Variants in ECHDC1 observed in about 807,000 individuals in gnomAD.
ECHDC1 encodes the protein ethylmalonyl-CoA decarboxylase.
Under a neutral mutation model 29.7 loss-of-function variants are expected in ECHDC1, and 29 were observed. That is an observed-to-expected ratio of 0.98 (90% CI 0.73 to 1.33). The LOEUF (loss-of-function observed/expected upper bound fraction) is 1.33. Ranked by LOEUF, ECHDC1 falls within the 40% of genes most tolerant of loss-of-function variation. The pLI is 0.00. For synonymous variants in ECHDC1, 126 were observed against 123.1 expected (o/e 1.02, Z -0.15); for missense variants, 328 against 350.0 (o/e 0.94, Z 0.50).
At chr6:127,340,586 G>A (rs1306220608) in intron 1 of ECHDC1, among the ~76,000 whole-genome samples, 1 of 152,196 alleles carries the variant, frequency 6.6e-6, no homozygotes, top group African/African-American at 2.4e-5. Flanking sequence ...CATGCCTAGG[G>A]TCTTGCTTTT....
intron 3 of ECHDC1, among the ~76,000 whole-genome samples, 181 bp from the exon 4 acceptor site, chr6:127,316,683 T>C (rs978487370): frequency 6.6e-6 from 1 of 152,092 alleles, no homozygotes; most frequent in African/African-American, 2.4e-5. Context: ...TGACTGTTGA[T>C]ATCCTAGGGC....
At chr6:127,296,774 G>A (rs938928115) in intron 5 of ECHDC1, among the ~76,000 whole-genome samples, 6 of 152,134 alleles carry the variant, frequency 3.9e-5, no homozygotes, top group African/African-American at 9.7e-5. Flanking sequence ...CACTTTGGGA[G>A]GCTGTGGATC....
At chr6:127,324,778 CTGGAACAA>C (rs1224106757) in intron 3 of ECHDC1, among the ~76,000 whole-genome samples, 1 of 152,070 alleles carries the variant, frequency 6.6e-6, no homozygotes, top group East Asian at 1.9e-4. Context: ...ATGGCCAAAG[CTGGAACAA>C]TTTGAGCAAC....
At chr6:127,311,858 T>C (rs1781968134) in intron 5 of ECHDC1, among the ~76,000 whole-genome samples, 1 of 151,530 alleles carries the variant, frequency 6.6e-6, no homozygotes, top group Non-Finnish European at 1.5e-5. Context: ...ATTACAAGTA[T>C]TGTATCAATG....
At chr6:127,305,643 G>T (rs1409128676) in intron 5 of ECHDC1, among the ~76,000 whole-genome samples, 1 of 151,966 alleles carries the variant, frequency 6.6e-6, no homozygotes, top group Non-Finnish European at 1.5e-5. Flanking sequence ...AAATTAAAAA[G>T]CCAGAGGATA....
At chr6:127,295,236 C>A (rs1780505835) in intron 5 of ECHDC1, among the ~76,000 whole-genome samples, 1 of 152,084 alleles carries the variant, frequency 6.6e-6, no homozygotes, top group Non-Finnish European at 1.5e-5. Context: ...CTTGTAAGTT[C>A]CCTTGGGATA....
chr6:127,313,725 A>G (rs1782132644), intron 5 of ECHDC1: 1 of 356,442 alleles, frequency 2.8e-6, no homozygotes, highest in Non-Finnish European at 5.6e-6. Context: ...AAACATCCCA[A>G]ATGAAAAGAC....
At chr6:127,305,748 A>G (rs1369877288) in intron 5 of ECHDC1, among the ~76,000 whole-genome samples, 2 of 152,204 alleles carry the variant, frequency 1.3e-5, no homozygotes, top group Admixed American at 1.3e-4. Context: ...ATAATGGGTG[A>G]TAAGATAGTA....
At chr6:127,334,845 C>T (rs1784295773) in intron 1 of ECHDC1, among the ~76,000 whole-genome samples, 1 of 151,400 alleles carries the variant, frequency 6.6e-6, no homozygotes, top group Non-Finnish European at 1.5e-5. Flanking sequence ...CAGTATACTG[C>T]AATAATGTTC....
chr6:127,290,150 C>G lies in ECHDC1; in HGVS notation c.625G>C (p.Ala209Pro), dbSNP rs1780012081. 1 of 1,613,586 alleles carries G rather than the reference C, an allele frequency of 6.2e-7. No homozygotes were observed. Among genetic ancestry groups the G allele is most frequent in the African/African-American group, 1.3e-5 (1 of 74,866 alleles). Reference protein sequence around the residue: ...SRQALKVLSGALKLDSKNALN... With the variant: ...SRQALKVLSGPLKLDSKNALN... ...GCATTTTTTGAATCCAGTTTAAGGG[C>G]CCCACTCAACACTTTGAGAGCTTGT... Residue 209 changes from alanine to proline, a missense_variant, in exon 6 of 6, where the codon GCC (alanine) becomes CCC (proline). Physicochemically the swap from Ala to Pro is conservative, Grantham distance 27. Coordinates refer to ENST00000454859, the MANE Select transcript of ECHDC1 (RefSeq NM_001002030.2).
At position 127,336,858 on chromosome 6, in the gene ECHDC1, C is replaced by G. The variant is rs555831840; in HGVS notation, c.-2-5828G>C. On this transcript the variant is annotated intron_variant, in intron 1 of 5. Transcript: ENST00000454859. ...TAAGTTATCACTCAAATGTAAATATCAAGTTGCCTCAAAATCTCTTAGCTA... is the reference window on the plus strand; with the variant it reads ...TAAGTTATCACTCAAATGTAAATATGAAGTTGCCTCAAAATCTCTTAGCTA... 8.5e-5 allele frequency among the ~76,000 whole-genome samples: 13 copies of G among 152,216 alleles called. No individual in the cohort carries two copies. The South Asian group carries it at 1.2e-3, about 15-fold the overall frequency.
intron 5 of ECHDC1, among the ~76,000 whole-genome samples, chr6:127,300,902 A>C (rs913104392): frequency 6.6e-6 from 1 of 152,246 alleles, no homozygotes; most frequent in Non-Finnish European, 1.5e-5. Flanking sequence ...TATAGCAGCA[A>C]TAGAAAACTA....
At chr6:127,303,418 T>C (rs532068478) in intron 5 of ECHDC1, among the ~76,000 whole-genome samples, 34 of 152,276 alleles carry the variant, frequency 2.2e-4, no homozygotes, top group African/African-American at 2.9e-4. Context: ...AACAGTCTTA[T>C]TGCCGATGTG....
intron 5 of ECHDC1, 128 bp downstream of exon 5, chr6:127,314,688 G>T: frequency 1.5e-6 from 1 of 683,156 alleles, no homozygotes; most frequent in South Asian, 2.5e-5. Flanking sequence ...CTGACAAAAA[G>T]AAAACATTCA....
intron 2 of ECHDC1, chr6:127,329,886 G>A (rs543746268): frequency 6.6e-6 from 3 of 455,062 alleles, no homozygotes; most frequent in South Asian, 4.7e-5. Context: ...CTGAATTCTG[G>A]TAAGTGGAGA....
chr6:127,343,196 G>A (rs1198436612), intron 1 of ECHDC1, 140 bp downstream of exon 1: 16 of 152,220 alleles, frequency 1.1e-4, no homozygotes, highest in African/African-American at 3.9e-4. Context: ...CAAGGGACAA[G>A]CCGCGGAGCC....
chr6:127,293,652 T>A (rs935645312), intron 5 of ECHDC1, among the ~76,000 whole-genome samples: 3 of 152,176 alleles, frequency 2.0e-5, no homozygotes, highest in African/African-American at 7.2e-5. Flanking sequence ...TGAAATTGCC[T>A]CAAACACATC....
Position 127,310,109 on chromosome 6 carries a change from G to T in ECHDC1, c.497+4707C>A, listed in dbSNP as rs558745685. On this transcript the variant is annotated intron_variant, in intron 5 of 5. Transcript: ENST00000454859. Reference sequence around the variant, plus strand: ...TGGGAAAGGTAGTGTGGAGTTGGCAGGGGGATGGGGATAGTTAATGGGTAC... The same window carrying T: ...TGGGAAAGGTAGTGTGGAGTTGGCATGGGGATGGGGATAGTTAATGGGTAC... Among the ~76,000 whole-genome samples, 33 of 152,266 alleles carry T rather than the reference G, an allele frequency of 2.2e-4. No homozygotes were observed. The South Asian group carries it at 6.6e-3, about 31-fold the overall frequency.
intron 5 of ECHDC1, chr6:127,294,574 G>C (rs1005900595): frequency 3.3e-5 from 5 of 152,140 alleles, no homozygotes; most frequent in Non-Finnish European, 7.4e-5. Flanking sequence ...CAGACTGCTT[G>C]AGTAAGAAGG....
Sources: gnomAD v4.1 joint callset for allele counts (sites outside exome capture counted in the v4.1 genomes callset) on GRCh38, gnomAD v4.1.1 for gene constraint, MANE v1.5 for transcripts, NCBI Gene and HGNC (gene_info 2026-07-23, HGNC 2026-07-21) for gene names.